B3GLCT: variants seen among roughly 807,000 people sequenced by gnomAD.
B3GLCT encodes the protein beta-1,3-glucosyltransferase.
Under a neutral mutation model 63.4 loss-of-function variants are expected in B3GLCT, and 65 were observed. That is an observed-to-expected ratio of 1.03 (90% CI 0.84 to 1.26). The LOEUF (loss-of-function observed/expected upper bound fraction) is 1.26, where lower values mean the gene tolerates loss of function less well. Among genes scored for constraint, B3GLCT ranks in the 50% most tolerant of loss-of-function variants. B3GLCT has a pLI of 0.00. For missense variants in B3GLCT, 577 were observed against 604.8 expected (o/e 0.95, Z 0.48); for synonymous variants, 233 against 219.2 (o/e 1.06, Z -0.55).
intron 8 of B3GLCT, among the ~76,000 whole-genome samples, chr13:31,270,021 T>A (rs1230355711): frequency 6.6e-6 from 1 of 152,192 alleles, no homozygotes; most frequent in Non-Finnish European, 1.5e-5. Flanking sequence ...TGGAGCAGAA[T>A]TGAGCCTATT....
intron 3 of B3GLCT, among the ~76,000 whole-genome samples, chr13:31,226,897 C>CATT (rs1262966925): frequency 4.6e-5 from 7 of 151,884 alleles, no homozygotes; most frequent in Non-Finnish European, 1.0e-4. Flanking sequence ...AATTAAATAC[C>CATT]ATTAACACAG....
chr13:31,216,315 A>G (rs751470982), intron 2 of B3GLCT, among the ~76,000 whole-genome samples: 1 of 152,248 alleles, frequency 6.6e-6, no homozygotes, highest in Non-Finnish European at 1.5e-5. Flanking sequence ...TAAAGCAAAT[A>G]TTCCCATTTA....
At chr13:31,266,174 G>GT (rs1872306422) in intron 7 of B3GLCT, among the ~76,000 whole-genome samples, 1 of 151,812 alleles carries the variant, frequency 6.6e-6, no homozygotes, top group Non-Finnish European at 1.5e-5. Context: ...ATATTTTTGT[G>GT]TTTTTAGTAG....
At chr13:31,278,263 A>G (rs182133535) in intron 10 of B3GLCT, among the ~76,000 whole-genome samples, 7 of 152,210 alleles carry the variant, frequency 4.6e-5, no homozygotes, top group Admixed American at 3.3e-4. Flanking sequence ...TATATTCTAC[A>G]GAAATGAAAA....
intron 4 of B3GLCT, among the ~76,000 whole-genome samples, chr13:31,233,655 G>C (rs1870490149): frequency 6.6e-6 from 1 of 152,082 alleles, no homozygotes; most frequent in Non-Finnish European, 1.5e-5. Flanking sequence ...GTCCCTTTAT[G>C]TACCTATGTC....
intron 1 of B3GLCT, among the ~76,000 whole-genome samples, chr13:31,212,433 C>A (rs1869316705): frequency 6.6e-6 from 1 of 152,038 alleles, no homozygotes; most frequent in Non-Finnish European, 1.5e-5. Flanking sequence ...TGCCACCATG[C>A]CTGGCTAATT....
At position 31,269,257 on chromosome 13, in the gene B3GLCT, A is replaced by G; in HGVS notation, c.640A>G (p.Thr214Ala). ...GAGTGAATCCTTGAAATCCGACTTT[A>G]CAATAGATTTAAAACATGAGGTATG... The part of the protein sequence containing the change: ...LKSESLKSDF[T>A]IDLKHEIALY... Residue 214 changes from threonine (T) to alanine (A), a missense_variant, in exon 8 of 15, where the codon ACA (threonine) becomes GCA (alanine). Physicochemically the swap from Thr to Ala is moderately conservative, Grantham distance 58. Coordinates refer to ENST00000343307, the MANE Select transcript of B3GLCT (RefSeq NM_194318.4). The G allele has an allele frequency of 6.2e-7, 1 of 1,607,474 alleles. No homozygotes were observed. The highest frequency in any genetic ancestry group is 8.5e-7 in the Non-Finnish European group (1 of 1,174,212).
Position 31,222,932 on chromosome 13 carries a change from C to T in B3GLCT, c.121-20C>T. 1 of 1,469,992 alleles carries T rather than the reference C, an allele frequency of 6.8e-7. No individual in the cohort carries two copies. The highest frequency in any genetic ancestry group is 9.5e-7 in the Non-Finnish European group (1 of 1,049,756). The allele number at this position is 1,469,992 out of a possible 1,614,324, so 91.1% of individuals were successfully genotyped here. A position where few individuals can be genotyped will look rare whatever the true frequency, so the allele number is the denominator to read the frequency against. ...GTTATGTACTGAGATTCATCTTTTT[C>T]TCTTTCATTTAAAATACAGGATTTG... On this transcript the variant is annotated intron_variant, in intron 2 of 14. Coordinates refer to ENST00000343307, the MANE Select transcript of B3GLCT (RefSeq NM_194318.4).
At chr13:31,225,210 G>A (rs1870038328) in intron 3 of B3GLCT, among the ~76,000 whole-genome samples, 1 of 152,180 alleles carries the variant, frequency 6.6e-6, no homozygotes, top group African/African-American at 2.4e-5. Context: ...AATCCATCTT[G>A]AGTTGTGACA....
intron 6 of B3GLCT, among the ~76,000 whole-genome samples, chr13:31,252,400 T>A (rs6562654): frequency 6.6e-6 from 1 of 151,726 alleles, no homozygotes; most frequent in South Asian, 2.1e-4. Context: ...GGCTAAATGC[T>A]CCAGTTAAAA....
intron 6 of B3GLCT, among the ~76,000 whole-genome samples, chr13:31,256,667 C>G (rs979971732): frequency 6.6e-6 from 1 of 152,162 alleles, no homozygotes; most frequent in Non-Finnish European, 1.5e-5. Context: ...CAAACTAACA[C>G]AAGAACAGAA....
At chr13:31,239,518 GT>G (rs1566056845) in intron 4 of B3GLCT, among the ~76,000 whole-genome samples, 1 of 152,024 alleles carries the variant, frequency 6.6e-6, no homozygotes, top group Admixed American at 6.6e-5. Context: ...TTTGACATCT[GT>G]TTTTTTGACT....
intron 6 of B3GLCT, among the ~76,000 whole-genome samples, chr13:31,250,671 T>A (rs765855097): frequency 1.3e-5 from 2 of 152,184 alleles, no homozygotes; most frequent in East Asian, 3.9e-4. Flanking sequence ...GATTCCCTCC[T>A]CTCTGGGCAG....
chr13:31,224,827 T>C (rs1870013782), intron 3 of B3GLCT, among the ~76,000 whole-genome samples: 2 of 152,196 alleles, frequency 1.3e-5, no homozygotes, highest in Non-Finnish European at 2.9e-5. Context: ...TATTGGTTTT[T>C]CATCAGAAAA....
intron 12 of B3GLCT, among the ~76,000 whole-genome samples, chr13:31,295,007 CT>C (rs34785097): frequency 1.1e-4 from 16 of 150,184 alleles, no homozygotes; most frequent in African/African-American, 3.2e-4. Flanking sequence ...TGTGGACGTC[CT>C]TTTTTTTTGA....
chr13:31,208,115 A>G (rs375684319), intron 1 of B3GLCT, among the ~76,000 whole-genome samples: 4 of 152,114 alleles, frequency 2.6e-5, no homozygotes, highest in Non-Finnish European at 5.9e-5. Flanking sequence ...TACACAGTAC[A>G]AAGTACTCTG....
At chr13:31,208,850 C>G (rs1869116948) in intron 1 of B3GLCT, among the ~76,000 whole-genome samples, 1 of 152,082 alleles carries the variant, frequency 6.6e-6, no homozygotes, top group Admixed American at 6.5e-5. Flanking sequence ...ATACCACCCC[C>G]TCCCATGATA....
At chr13:31,200,300 C>A (rs1224765493) in intron 1 of B3GLCT, 146 bp downstream of exon 1, 2 of 275,264 alleles carry the variant, frequency 7.3e-6, no homozygotes, top group East Asian at 1.7e-4. Context: ...CGGTCCCCGC[C>A]GCGCCGCGCC....
At chr13:31,314,872 G>A (rs1682882934) in intron 12 of B3GLCT, among the ~76,000 whole-genome samples, 1 of 152,202 alleles carries the variant, frequency 6.6e-6, no homozygotes, top group African/African-American at 2.4e-5. Context: ...CCCAGTGGGA[G>A]GTAATTGAAT....
Sources: gnomAD v4.1 joint callset for allele counts (sites outside exome capture counted in the v4.1 genomes callset) on GRCh38, gnomAD v4.1.1 for gene constraint, MANE v1.5 for transcripts, NCBI Gene and HGNC (gene_info 2026-07-23, HGNC 2026-07-21) for gene names.